CACNA2D1: variants seen among roughly 807,000 people sequenced by gnomAD.
CACNA2D1 encodes calcium voltage-gated channel auxiliary subunit alpha2delta 1.
Under a neutral mutation model 171.5 loss-of-function variants are expected in CACNA2D1, and 53 were observed. The ratio of observed to expected loss-of-function variants is 0.31; its 90% confidence interval spans 0.25 to 0.39. The LOEUF (loss-of-function observed/expected upper bound fraction) is 0.39. Among genes scored for constraint, CACNA2D1 ranks in the 10% least tolerant of loss-of-function variants. The pLI is 1.00. For synonymous variants in CACNA2D1, 442 were observed against 443.1 expected (o/e 1.00, Z 0.03); for missense variants, 903 against 1,299.8 (o/e 0.69, Z 4.69).
At chr7:82,287,444 C>CT (rs1810946257) in intron 3 of CACNA2D1, among the ~76,000 whole-genome samples, 1 of 152,164 alleles carries the variant, frequency 6.6e-6, no homozygotes, top group South Asian at 2.1e-4. Flanking sequence ...TCTCCTCCCA[C>CT]ATGCACCCCA....
At chr7:82,261,252 G>A (rs1807060506) in intron 3 of CACNA2D1, among the ~76,000 whole-genome samples, 1 of 152,198 alleles carries the variant, frequency 6.6e-6, no homozygotes, top group South Asian at 2.1e-4. Flanking sequence ...GCCGCACCCG[G>A]CCTGGACCAC....
intron 21 of CACNA2D1, among the ~76,000 whole-genome samples, chr7:81,989,286 G>C (rs925036566): frequency 6.6e-6 from 1 of 152,142 alleles, no homozygotes; most frequent in Non-Finnish European, 1.5e-5. Context: ...GCCAGACTTC[G>C]GGTGTCAGAC....
At chr7:82,258,776 T>C (rs1176180730) in intron 3 of CACNA2D1, among the ~76,000 whole-genome samples, 3 of 151,028 alleles carry the variant, frequency 2.0e-5, no homozygotes, top group Admixed American at 6.6e-5. Context: ...TTTCTGCTTA[T>C]TAGAAGAAGG....
intron 3 of CACNA2D1, among the ~76,000 whole-genome samples, chr7:82,316,299 T>C (rs186927331): frequency 2.1e-3 from 325 of 152,352 alleles, no homozygotes; most frequent in South Asian, 5.6e-3. Context: ...TGCTTGTTTG[T>C]ACTTGGGTGT....
chr7:82,303,970 G>A (rs1813375083), intron 3 of CACNA2D1, among the ~76,000 whole-genome samples: 1 of 151,766 alleles, frequency 6.6e-6, no homozygotes, highest in African/African-American at 2.4e-5. Flanking sequence ...ATCTGACAAG[G>A]GACTAATATC....
intron 21 of CACNA2D1, among the ~76,000 whole-genome samples, chr7:81,990,881 C>G (rs1383842758): frequency 1.3e-5 from 2 of 152,050 alleles, no homozygotes; most frequent in African/African-American, 4.8e-5. Flanking sequence ...CTAATGTAAA[C>G]TAAACAACAA....
At chr7:82,187,088 T>A (rs961924649) in intron 3 of CACNA2D1, among the ~76,000 whole-genome samples, 7 of 152,166 alleles carry the variant, frequency 4.6e-5, no homozygotes, top group Admixed American at 4.6e-4. Flanking sequence ...TCCATGTATC[T>A]AAACCTCACA....
intron 1 of CACNA2D1, among the ~76,000 whole-genome samples, chr7:82,354,810 T>G (rs901730833): frequency 6.6e-6 from 1 of 152,042 alleles, no homozygotes; most frequent in African/African-American, 2.4e-5. Context: ...CAGATGAATG[T>G]GGGGCAGATA....
intron 3 of CACNA2D1, among the ~76,000 whole-genome samples, chr7:82,255,289 T>C (rs1028985260): frequency 6.6e-6 from 1 of 152,176 alleles, no homozygotes; most frequent in East Asian, 1.9e-4. Context: ...TCCTCCACTG[T>C]GTTTTTCCCA....
At chr7:82,301,510 T>A (rs1013820628) in intron 3 of CACNA2D1, among the ~76,000 whole-genome samples, 1 of 152,080 alleles carries the variant, frequency 6.6e-6, no homozygotes, top group African/African-American at 2.4e-5. Flanking sequence ...TATAAATATA[T>A]ACATAGTACA....
intron 3 of CACNA2D1, among the ~76,000 whole-genome samples, chr7:82,309,997 A>T (rs192096798): frequency 1.7e-3 from 256 of 152,312 alleles, no homozygotes; most frequent in African/African-American, 5.9e-3. Context: ...TTTCTAAGTT[A>T]AAAATACTAT....
intron 19 of CACNA2D1, among the ~76,000 whole-genome samples, 188 bp from the exon 20 acceptor site, chr7:81,995,127 A>G (rs1797911967): frequency 6.6e-6 from 1 of 152,134 alleles, no homozygotes; most frequent in Non-Finnish European, 1.5e-5. Context: ...TATTATAGTC[A>G]TTTTACATTA....
chr7:82,200,200 T>A (rs1169569508), intron 3 of CACNA2D1, among the ~76,000 whole-genome samples: 1 of 152,136 alleles, frequency 6.6e-6, no homozygotes, highest in Non-Finnish European at 1.5e-5. Flanking sequence ...TTAATACTCT[T>A]AGCGACTCAA....
chr7:82,012,011 A>T (rs1005719619), intron 15 of CACNA2D1, 143 bp downstream of exon 15: 4 of 671,680 alleles, frequency 6.0e-6, no homozygotes, highest in Non-Finnish European at 1.1e-5. Context: ...AATTATATAA[A>T]TTCTAGGAAA....
At chr7:82,262,128 G>C (rs1274845128) in intron 3 of CACNA2D1, among the ~76,000 whole-genome samples, 1 of 152,138 alleles carries the variant, frequency 6.6e-6, no homozygotes, top group Non-Finnish European at 1.5e-5. Context: ...TCAGGAGATC[G>C]AGACCATCCT....
At chr7:81,973,197 T>C (rs564504906) in intron 25 of CACNA2D1, among the ~76,000 whole-genome samples, 1 of 152,182 alleles carries the variant, frequency 6.6e-6, no homozygotes, top group African/African-American at 2.4e-5. Context: ...TTCAACAATC[T>C]TATTACAGTT....
intron 1 of CACNA2D1, among the ~76,000 whole-genome samples, chr7:82,391,200 C>T (rs1411851692): frequency 6.6e-6 from 1 of 151,996 alleles, no homozygotes; most frequent in Non-Finnish European, 1.5e-5. Context: ...GCACAGAGTA[C>T]CAAGGTGGGA....
chr7:82,279,712 A>G (rs1315538082), intron 3 of CACNA2D1, among the ~76,000 whole-genome samples: 3 of 152,162 alleles, frequency 2.0e-5, no homozygotes, highest in Non-Finnish European at 4.4e-5. Context: ...TGCTCCTTTA[A>G]TAGTTCCTTT....
chr7:82,081,654 T>C (rs755493312), intron 7 of CACNA2D1, among the ~76,000 whole-genome samples: 1 of 152,214 alleles, frequency 6.6e-6, no homozygotes, highest in African/African-American at 2.4e-5. Flanking sequence ...GCTAATGTTT[T>C]GGAAAGACTA....
Sources: gnomAD v4.1 joint callset for allele counts (sites outside exome capture counted in the v4.1 genomes callset) on GRCh38, gnomAD v4.1.1 for gene constraint, MANE v1.5 for transcripts, NCBI Gene and HGNC (gene_info 2026-07-23, HGNC 2026-07-21) for gene names.